FBXW4: variants seen among roughly 807,000 people sequenced by gnomAD.
FBXW4 encodes the protein F-box/WD repeat-containing protein 4.
In FBXW4, 40 loss-of-function variants were observed where a neutral mutation model predicts 61.8. That is an observed-to-expected ratio of 0.65 (90% CI 0.50 to 0.84). The LOEUF is 0.84. FBXW4 is among the 40% of genes least tolerant of loss of function. The pLI is 0.00. For synonymous variants in FBXW4, 311 were observed against 313.8 expected, an observed-to-expected ratio of 0.99 and a Z score of 0.10; for missense variants, 672 against 753.8, an observed-to-expected ratio of 0.89 and a Z score of 1.27.
At chr10:101,692,645 C>CTT (rs2064620256) in intron 1 of FBXW4, among the ~76,000 whole-genome samples, 2 of 149,692 alleles carry the variant, frequency 1.3e-5, no homozygotes, top group African/African-American at 4.9e-5. Flanking sequence ...ATCCCAGCTA[C>CTT]GCAAGAGGCT....
chr10:101,654,930 C>T (rs562036903), intron 5 of FBXW4, among the ~76,000 whole-genome samples: 2 of 152,176 alleles, frequency 1.3e-5, no homozygotes, highest in Non-Finnish European at 2.9e-5. Context: ...CTCAAGCAGT[C>T]CCCCCACCTC....
intron 5 of FBXW4, among the ~76,000 whole-genome samples, chr10:101,638,267 G>A (rs2064021367): frequency 6.6e-6 from 1 of 152,144 alleles, no homozygotes; most frequent in South Asian, 2.1e-4. Flanking sequence ...CTAGAATGCT[G>A]CAGTCAAAAA....
intron 6 of FBXW4, among the ~76,000 whole-genome samples, chr10:101,624,458 T>G (rs1223996526): frequency 6.6e-6 from 1 of 152,248 alleles, no homozygotes; most frequent in Non-Finnish European, 1.5e-5. Context: ...GATGGGATTT[T>G]ATATAGCCAC....
intron 6 of FBXW4, among the ~76,000 whole-genome samples, chr10:101,618,408 G>A (rs796178456): frequency 6.6e-6 from 1 of 152,196 alleles, no homozygotes; most frequent in African/African-American, 2.4e-5. Context: ...AGGCACAGAG[G>A]GGGTATTCTG....
chr10:101,630,528 G>A (rs934634834), intron 5 of FBXW4, among the ~76,000 whole-genome samples: 8 of 152,158 alleles, frequency 5.3e-5, no homozygotes, highest in Non-Finnish European at 1.0e-4. Flanking sequence ...TGCTGCTGCC[G>A]CCATCTGCTA....
At chr10:101,683,647 G>A (rs1220693903) in intron 1 of FBXW4, among the ~76,000 whole-genome samples, 3 of 152,126 alleles carry the variant, frequency 2.0e-5, no homozygotes, top group Non-Finnish European at 4.4e-5. Flanking sequence ...AACTGGCTGG[G>A]GGGAAGGAAG....
Position 101,612,345 on chromosome 10 carries a change from G to A in FBXW4, c.1434C>T (p.Thr478=), listed in dbSNP as rs1454496852. 12 of 1,571,352 alleles carry A rather than the reference G, an allele frequency of 7.6e-6. No individual in the cohort carries two copies. The highest frequency in any genetic ancestry group is 1.4e-5 in the African/African-American group (1 of 73,730). The part of the protein sequence containing the change: ...DTYVRYWDLR[T]SVRKCVMEWE... ...CTGCCCAGCACACTCACCGGACGCT[G>A]GTGCGGAGGTCCCAGTAGCGAACAT... Residue 478 remains threonine, a synonymous_variant, in exon 7 of 9, where the codon ACC becomes ACT. Coordinates refer to ENST00000331272, the MANE Select transcript of FBXW4 (RefSeq NM_022039.4).
intron 5 of FBXW4, chr10:101,660,094 T>A: frequency 1.0e-6 from 1 of 984,892 alleles, no homozygotes; most frequent in South Asian, 4.7e-5. Context: ...GCGGGAGGGG[T>A]CGGAGTCAGA....
intron 5 of FBXW4, among the ~76,000 whole-genome samples, chr10:101,641,772 G>A (rs2064055740): frequency 1.3e-5 from 2 of 151,718 alleles, no homozygotes; most frequent in Non-Finnish European, 2.9e-5. Flanking sequence ...GGAAACCAAA[G>A]CTTATTTATG....
chr10:101,662,510 C>T (rs2064253969), intron 5 of FBXW4, among the ~76,000 whole-genome samples: 1 of 152,196 alleles, frequency 6.6e-6, no homozygotes, highest in South Asian at 2.1e-4. Context: ...TTTAATAACA[C>T]AGCTAAGTCA....
At chr10:101,684,158 C>G (rs1001860647) in intron 1 of FBXW4, among the ~76,000 whole-genome samples, 1 of 151,976 alleles carries the variant, frequency 6.6e-6, no homozygotes, top group Non-Finnish European at 1.5e-5. Context: ...GAGTCTTGCT[C>G]TGTTGCCCAG....
chr10:101,651,172 A>C (rs941011880), intron 5 of FBXW4, among the ~76,000 whole-genome samples: 1 of 152,154 alleles, frequency 6.6e-6, no homozygotes, highest in Non-Finnish European at 1.5e-5. Flanking sequence ...CACACTGCAC[A>C]TGCCACCTGG....
chr10:101,673,712 T>C (rs758052781), intron 2 of FBXW4, 39 bp from the exon 3 acceptor site: 63 of 1,594,664 alleles, frequency 4.0e-5, no homozygotes, highest in Non-Finnish European at 4.6e-5. Context: ...GTCATCAAGA[T>C]ACAGTATGAA....
chr10:101,630,450 C>T (rs2063943085), intron 5 of FBXW4, among the ~76,000 whole-genome samples: 1 of 152,222 alleles, frequency 6.6e-6, no homozygotes, highest in African/African-American at 2.4e-5. Flanking sequence ...AAGGAAACCT[C>T]TGTCCCTCCA....
chr10:101,629,465 G>T (rs2063934017), intron 5 of FBXW4, among the ~76,000 whole-genome samples: 1 of 152,044 alleles, frequency 6.6e-6, no homozygotes, highest in South Asian at 2.1e-4. Context: ...TGTATTTTTA[G>T]TAGAGAGAGG....
intron 1 of FBXW4, among the ~76,000 whole-genome samples, chr10:101,677,791 A>AC (rs2064429610): frequency 6.6e-6 from 1 of 152,106 alleles, no homozygotes; most frequent in Non-Finnish European, 1.5e-5. Flanking sequence ...CTCTCTAAAA[A>AC]AAAAAAAAGA....
Position 101,682,898 on chromosome 10 carries a change from A to AT in FBXW4, c.726-6463dup, listed in dbSNP as rs533811896. ...AAAAAGCTCTACTTTGTTAAAAACA[A>AT]TTTAACAACTCAGCTTTTTCATATC... On this transcript the variant is annotated intron_variant, in intron 1 of 8. Coordinates refer to ENST00000331272, the MANE Select transcript of FBXW4 (RefSeq NM_022039.4). Among the ~76,000 whole-genome samples, 177 of 152,310 alleles carry AT rather than the reference A, an allele frequency of 1.2e-3. 1 individual carries two copies. The highest frequency in any genetic ancestry group is 4.0e-3 in the African/African-American group (165 of 41,572).
At chr10:101,661,840 G>T (rs952816184) in intron 5 of FBXW4, among the ~76,000 whole-genome samples, 2 of 152,254 alleles carry the variant, frequency 1.3e-5, no homozygotes, top group Middle Eastern at 3.4e-3. Flanking sequence ...AGGTCCCCAA[G>T]TCAGCTACAG....
At chr10:101,612,518 G>T (rs765745732) in intron 6 of FBXW4, 41 bp from the exon 7 acceptor site, 2 of 1,487,098 alleles carry the variant, frequency 1.3e-6, no homozygotes, top group Non-Finnish European at 1.8e-6. Context: ...CTCCACGTGG[G>T]TCATACACAT....
Sources: gnomAD v4.1 joint callset for allele counts (sites outside exome capture counted in the v4.1 genomes callset) on GRCh38, gnomAD v4.1.1 for gene constraint, MANE v1.5 for transcripts, NCBI Gene and HGNC (gene_info 2026-07-23, HGNC 2026-07-21) for gene names.